EPHA6: variants seen among roughly 807,000 people sequenced by gnomAD.
The protein encoded by EPHA6 is EPH receptor A6.
A neutral mutation model predicts 112.0 loss-of-function variants in EPHA6; 50 were observed. The ratio of observed to expected loss-of-function variants is 0.45; its 90% CI spans 0.36 to 0.56. EPHA6 has a LOEUF of 0.56. EPHA6 is among the 20% of genes least tolerant of loss of function. The pLI, the probability that EPHA6 is intolerant of heterozygous loss-of-function variation, is 0.00. For synonymous variants in EPHA6, 529 were observed against 490.7 expected, an observed-to-expected ratio of 1.08 and a Z score of -1.03; for missense variants, 1,280 against 1,417.4, an observed-to-expected ratio of 0.90 and a Z score of 1.56.
At chr3:97,329,054 A>G (rs906451817) in intron 5 of EPHA6, among the ~76,000 whole-genome samples, 5 of 152,064 alleles carry the variant, frequency 3.3e-5, no homozygotes, top group Admixed American at 1.3e-4. Flanking sequence ...CCTATGAGTG[A>G]CAACATGCGG....
chr3:97,465,971 T>C (rs373895028), intron 7 of EPHA6, among the ~76,000 whole-genome samples: 4 of 152,150 alleles, frequency 2.6e-5, no homozygotes, highest in African/African-American at 7.2e-5. Context: ...CCATTTGTTT[T>C]TTTTTCTTTT....
At chr3:96,866,109 G>A (rs2036294308) in intron 1 of EPHA6, among the ~76,000 whole-genome samples, 1 of 152,034 alleles carries the variant, frequency 6.6e-6, no homozygotes. Flanking sequence ...CGTTTGTGAA[G>A]TTCTCCCAGA....
chr3:97,061,907 A>G (rs2046033990), intron 3 of EPHA6, among the ~76,000 whole-genome samples: 1 of 152,158 alleles, frequency 6.6e-6, no homozygotes, highest in Non-Finnish European at 1.5e-5. Flanking sequence ...TTAGTTGGGG[A>G]GGTAGATTTG....
At chr3:97,492,649 TATAAGGTAGAAAGGAGGAAAG>T (rs2091878576) in intron 10 of EPHA6, among the ~76,000 whole-genome samples, 1 of 128,574 alleles carries the variant, frequency 7.8e-6, no homozygotes, top group Non-Finnish European at 1.6e-5. Flanking sequence ...AAGTATAATA[TATAAGGTAGAAAGGAGGAAAG>T]AAAGGACAAG....
At chr3:97,155,802 G>C (rs560488930) in intron 3 of EPHA6, among the ~76,000 whole-genome samples, 312 of 152,194 alleles carry the variant, frequency 2.1e-3, no homozygotes, top group African/African-American at 7.1e-3. Flanking sequence ...CTACATCTCA[G>C]AGCCAGCAAC....
At chr3:96,930,028 G>A (rs912091246) in intron 2 of EPHA6, among the ~76,000 whole-genome samples, 1 of 152,120 alleles carries the variant, frequency 6.6e-6, no homozygotes, top group Non-Finnish European at 1.5e-5. Context: ...ACTTGTGATT[G>A]CGTTGTGAAG....
intron 11 of EPHA6, among the ~76,000 whole-genome samples, chr3:97,541,322 TA>T (rs1224005369): frequency 6.6e-6 from 1 of 152,218 alleles, no homozygotes; most frequent in African/African-American, 2.4e-5. Flanking sequence ...AGTTCTCATA[TA>T]ACCTTCACTA....
intron 5 of EPHA6, among the ~76,000 whole-genome samples, chr3:97,317,576 GT>G (rs1294145443): frequency 6.6e-6 from 1 of 151,604 alleles, no homozygotes; most frequent in Admixed American, 6.6e-5. Flanking sequence ...ATAGTAGATT[GT>G]TTTACAAACT....
intron 11 of EPHA6, among the ~76,000 whole-genome samples, chr3:97,539,249 G>A (rs2092813997): frequency 6.6e-6 from 1 of 151,002 alleles, no homozygotes; most frequent in Non-Finnish European, 1.5e-5. Context: ...CCTGGTTCAA[G>A]CAATTCTCCT....
intron 3 of EPHA6, among the ~76,000 whole-genome samples, chr3:97,034,855 T>G (rs1426014689): frequency 3.0e-4 from 46 of 152,030 alleles, no homozygotes; most frequent in Non-Finnish European, 1.3e-4. Context: ...TTTGAACTTT[T>G]CTGAGACCTC....
At chr3:97,444,618 A>G (rs2090262983) in intron 6 of EPHA6, among the ~76,000 whole-genome samples, 1 of 152,134 alleles carries the variant, frequency 6.6e-6, no homozygotes, top group East Asian at 1.9e-4. Flanking sequence ...ACATAATAGA[A>G]GCAGAATCAA....
chr3:97,580,430 A>G (rs57851250), intron 11 of EPHA6, among the ~76,000 whole-genome samples: 1,830 of 152,318 alleles, frequency 0.012, 38 homozygotes, highest in African/African-American at 0.041. Flanking sequence ...TGAAGAATAC[A>G]TTAGGAGGGG....
intron 2 of EPHA6, among the ~76,000 whole-genome samples, chr3:96,903,614 A>G (rs777823650): frequency 2.6e-5 from 4 of 152,152 alleles, no homozygotes; most frequent in Non-Finnish European, 4.4e-5. Context: ...TCATAACTTC[A>G]TAATATTTTA....
At chr3:97,699,920 C>T (rs2033275841) in intron 14 of EPHA6, among the ~76,000 whole-genome samples, 1 of 152,210 alleles carries the variant, frequency 6.6e-6, no homozygotes. Flanking sequence ...GATTATTTGG[C>T]AATTGCCTCA....
At chr3:96,886,912 G>A (rs2037658080) in intron 2 of EPHA6, among the ~76,000 whole-genome samples, 1 of 152,128 alleles carries the variant, frequency 6.6e-6, no homozygotes, top group South Asian at 2.1e-4. Context: ...ATTTCTAAAA[G>A]TGTGTCCAAA....
At chr3:97,677,434 T>C (rs979367245) in intron 14 of EPHA6, among the ~76,000 whole-genome samples, 15 of 152,006 alleles carry the variant, frequency 9.9e-5, no homozygotes, top group African/African-American at 3.4e-4. Context: ...AAAGACAAAA[T>C]GTGAGGCCAG....
chr3:97,084,565 A>T (rs2046834825), intron 3 of EPHA6, among the ~76,000 whole-genome samples: 2 of 152,052 alleles, frequency 1.3e-5, no homozygotes, highest in South Asian at 4.1e-4. Flanking sequence ...CAGGATACAA[A>T]ATCAATGTAT....
chr3:97,197,678 TTG>T (rs2077476608), intron 3 of EPHA6, among the ~76,000 whole-genome samples: 1 of 151,980 alleles, frequency 6.6e-6, no homozygotes, highest in South Asian at 2.1e-4. Flanking sequence ...CCACTCTGAC[TTG>T]TGTCTCACTA....
chr3:97,144,023 T>G (rs2075976351), intron 3 of EPHA6, among the ~76,000 whole-genome samples: 1 of 151,766 alleles, frequency 6.6e-6, no homozygotes, highest in South Asian at 2.1e-4. Context: ...ATAATGACCT[T>G]TGTGCAAGGT....
Sources: allele counts gnomAD v4.1 joint callset (sites outside exome capture counted in the v4.1 genomes callset), GRCh38; gene constraint gnomAD v4.1.1; transcripts MANE v1.5; gene names NCBI Gene and HGNC (gene_info 2026-07-23, HGNC 2026-07-21).